The following SPTLC3 variants were observed in gnomAD, a reference collection of about 807,000 sequenced individuals.
The protein encoded by SPTLC3 is serine palmitoyltransferase long chain base subunit 3, also known as serine palmitoyltransferase 3.
Under a neutral mutation model 59.3 loss-of-function variants are expected in SPTLC3, and 36 were observed. The ratio of observed to expected loss-of-function variants is 0.61; its 90% CI spans 0.47 to 0.80. SPTLC3 has a LOEUF of 0.80. Among genes scored for constraint, SPTLC3 ranks in the 30% least tolerant of loss-of-function variants. The pLI is 0.00. For synonymous variants in SPTLC3, 257 were observed against 240.8 expected, an observed-to-expected ratio of 1.07 and a Z score of -0.62; for missense variants, 625 against 685.1, an observed-to-expected ratio of 0.91 and a Z score of 0.98.
intron 2 of SPTLC3, among the ~76,000 whole-genome samples, chr20:13,058,080 G>A (rs1485796563): frequency 6.6e-6 from 1 of 152,060 alleles, no homozygotes; most frequent in Non-Finnish European, 1.5e-5. Context: ...ACCCACACAA[G>A]TAAATCACAG....
chr20:13,103,293 T>A (rs915298039), intron 6 of SPTLC3, among the ~76,000 whole-genome samples: 1 of 152,206 alleles, frequency 6.6e-6, no homozygotes, highest in South Asian at 2.1e-4. Context: ...CCCACCACCA[T>A]CTTAAAAGTA....
At chr20:13,021,548 C>CG (rs1338343669) in intron 1 of SPTLC3, among the ~76,000 whole-genome samples, 7 of 144,810 alleles carry the variant, frequency 4.8e-5, no homozygotes, top group African/African-American at 1.0e-4. Flanking sequence ...CAACAGCCCC[C>CG]CCACCAATCC....
At chr20:13,027,649 A>G (rs994779989) in intron 1 of SPTLC3, among the ~76,000 whole-genome samples, 4 of 82,706 alleles carry the variant, frequency 4.8e-5, no homozygotes, top group South Asian at 2.8e-4. Context: ...ACGCACACAC[A>G]CACACACACA....
rs573173498 is a variant in SPTLC3, at chr20:13,035,866, A to C, written c.118-13079A>C. Among the ~76,000 whole-genome samples, 5 of 152,328 alleles carry C rather than the reference A, an allele frequency of 3.3e-5. No individual in the cohort carries two copies. In the South Asian group the frequency reaches 8.3e-4, roughly 25 times the overall value. On this transcript the variant is annotated intron_variant, in intron 1 of 11. Coordinates refer to ENST00000399002, the MANE Select transcript of SPTLC3 (RefSeq NM_018327.4). The stretch of plus-strand genomic sequence containing the variant: ...ATTTCTTAAAATCTCCAGACAATTT[A>C]GAGAAATTAATTCACCCTAATTAAG...
chr20:13,147,493 A>G (rs960689843), intron 9 of SPTLC3, among the ~76,000 whole-genome samples: 1 of 152,076 alleles, frequency 6.6e-6, no homozygotes, highest in African/African-American at 2.4e-5. Context: ...ACTTTACTCC[A>G]AGGTCTCTCC....
intron 4 of SPTLC3, among the ~76,000 whole-genome samples, chr20:13,084,997 T>C (rs1300825084): frequency 6.6e-6 from 1 of 152,208 alleles, no homozygotes; most frequent in Non-Finnish European, 1.5e-5. Flanking sequence ...CTTAAGGTTT[T>C]TATTTACATC....
chr20:13,159,515 T>C, intron 10 of SPTLC3, among the ~76,000 whole-genome samples: 1 of 152,208 alleles, frequency 6.6e-6, no homozygotes, highest in Non-Finnish European at 1.5e-5. Context: ...CAAATTATAC[T>C]CATTAAGTAT....
chr20:13,150,186 C>T (rs2038610932), intron 9 of SPTLC3, among the ~76,000 whole-genome samples: 1 of 152,194 alleles, frequency 6.6e-6, no homozygotes, highest in African/African-American at 2.4e-5. Flanking sequence ...GTTCTTAACT[C>T]TCTAAACACA....
intron 2 of SPTLC3, among the ~76,000 whole-genome samples, chr20:13,071,448 C>T (rs1252501719): frequency 6.6e-6 from 1 of 152,102 alleles, no homozygotes; most frequent in Non-Finnish European, 1.5e-5. Context: ...ATAGATTATT[C>T]TGATGCAGAT....
At chr20:13,086,781 T>A (rs1989019225) in intron 4 of SPTLC3, among the ~76,000 whole-genome samples, 1 of 151,968 alleles carries the variant, frequency 6.6e-6, no homozygotes, top group African/African-American at 2.4e-5. Flanking sequence ...TCTTTTTCCT[T>A]TTCCTTCTTT....
chr20:13,030,465 TG>T (rs1304777551), intron 1 of SPTLC3, among the ~76,000 whole-genome samples: 3 of 152,222 alleles, frequency 2.0e-5, no homozygotes, highest in Admixed American at 1.3e-4. Context: ...TCAAGAACCA[TG>T]CCTGATCAGG....
chr20:13,151,083 C>T (rs1224442328), intron 9 of SPTLC3, among the ~76,000 whole-genome samples: 1 of 152,102 alleles, frequency 6.6e-6, no homozygotes, highest in African/African-American at 2.4e-5. Context: ...CTTACTGTTC[C>T]TATTGTTACT....
At chr20:13,142,213 A>G (rs968819021) in intron 9 of SPTLC3, among the ~76,000 whole-genome samples, 3 of 152,212 alleles carry the variant, frequency 2.0e-5, no homozygotes, top group African/African-American at 7.2e-5. Flanking sequence ...TGTGTCTTTT[A>G]GATGGCACTG....
chr20:13,040,260 T>C (rs545096606), intron 1 of SPTLC3, among the ~76,000 whole-genome samples: 1 of 152,306 alleles, frequency 6.6e-6, no homozygotes, highest in Non-Finnish European at 1.5e-5. Flanking sequence ...GCATAATATA[T>C]GTCTATATAT....
At chr20:13,089,553 C>T (rs1989134346) in intron 4 of SPTLC3, among the ~76,000 whole-genome samples, 2 of 151,942 alleles carry the variant, frequency 1.3e-5, no homozygotes, top group African/African-American at 2.4e-5. Flanking sequence ...TGGGAGGCCA[C>T]AGCGGGTGGA....
chr20:13,074,596 A>T, intron 4 of SPTLC3, 99 bp downstream of exon 4: 2 of 1,334,348 alleles, frequency 1.5e-6, no homozygotes, highest in African/African-American at 2.9e-5. Flanking sequence ...TGTCCCTTAA[A>T]AAGGTGTTAT....
At chr20:13,119,819 G>A (rs1431513378) in intron 8 of SPTLC3, among the ~76,000 whole-genome samples, 2 of 152,188 alleles carry the variant, frequency 1.3e-5, no homozygotes, top group African/African-American at 4.8e-5. Context: ...AGACCTGGGC[G>A]GTGAGCAGGA....
At chr20:13,089,087 A>G (rs1989113282) in intron 4 of SPTLC3, among the ~76,000 whole-genome samples, 1 of 152,224 alleles carries the variant, frequency 6.6e-6, no homozygotes, top group Non-Finnish European at 1.5e-5. Context: ...CTGACCATTC[A>G]ATACCTTCTT....
intron 2 of SPTLC3, 128 bp downstream of exon 2, chr20:13,049,258 A>T (rs1240133624): frequency 1.9e-6 from 2 of 1,034,650 alleles, no homozygotes; most frequent in African/African-American, 1.6e-5. Flanking sequence ...GGCAAATTTC[A>T]TTCATCTCCA....
Sources: allele counts gnomAD v4.1 joint callset (sites outside exome capture counted in the v4.1 genomes callset), GRCh38; gene constraint gnomAD v4.1.1; transcripts MANE v1.5; gene names NCBI Gene and HGNC (gene_info 2026-07-23, HGNC 2026-07-21).